Variants in PTPRD observed in about 807,000 individuals in gnomAD.
PTPRD encodes receptor-type tyrosine-protein phosphatase delta.
In PTPRD, 34 loss-of-function variants were observed where a neutral mutation model predicts 214.5. The observed-to-expected ratio is 0.16, with a 90% CI of 0.12 to 0.21. PTPRD has a LOEUF of 0.21. Ranked by LOEUF, PTPRD falls within the 10% of genes least tolerant of loss-of-function variation. PTPRD has a pLI of 1.00. For synonymous variants in PTPRD, 1,128 were observed against 845.7 expected (o/e 1.33, Z -5.79); for missense variants, 2,545 against 2,398.7 (o/e 1.06, Z -1.27).
chr9:8,789,024 G>C (rs956244985), intron 11 of PTPRD, among the ~76,000 whole-genome samples: 4 of 152,090 alleles, frequency 2.6e-5, no homozygotes, highest in African/African-American at 9.7e-5. Flanking sequence ...ACAGGACTGA[G>C]TCATTCCAAT....
chr9:9,239,173 A>G (rs1249091255), intron 9 of PTPRD, among the ~76,000 whole-genome samples: 7 of 151,770 alleles, frequency 4.6e-5, no homozygotes, highest in Admixed American at 4.6e-4. Context: ...TTTTGGAAAT[A>G]CAAACTTCAG....
intron 11 of PTPRD, among the ~76,000 whole-genome samples, chr9:8,820,096 T>C (rs1273608243): frequency 1.3e-5 from 2 of 152,302 alleles, no homozygotes; most frequent in African/African-American, 4.8e-5. Context: ...AATCAGAATA[T>C]GTAACAATAA....
chr9:8,441,578 T>C (rs1422569557), intron 34 of PTPRD, among the ~76,000 whole-genome samples: 2 of 151,802 alleles, frequency 1.3e-5, no homozygotes, highest in African/African-American at 4.8e-5. Context: ...TTCTTTAATC[T>C]GTGTGTATGT....
At chr9:9,415,335 G>A (rs1043134475) in intron 8 of PTPRD, among the ~76,000 whole-genome samples, 11 of 152,056 alleles carry the variant, frequency 7.2e-5, no homozygotes, top group Non-Finnish European at 1.5e-5. Context: ...TTAGCCAGGT[G>A]TGGTGGCATG....
At chr9:8,581,493 A>G (rs774767903) in intron 14 of PTPRD, among the ~76,000 whole-genome samples, 4 of 152,182 alleles carry the variant, frequency 2.6e-5, no homozygotes, top group Non-Finnish European at 4.4e-5. Flanking sequence ...TCACGCCTGT[A>G]ATCCCAGCAC....
At chr9:9,067,372 T>C (rs1285366634) in intron 10 of PTPRD, among the ~76,000 whole-genome samples, 1 of 152,254 alleles carries the variant, frequency 6.6e-6, no homozygotes. Flanking sequence ...TTTGTGTATT[T>C]ACGTTTATGC....
At position 8,718,434 on chromosome 9, in the gene PTPRD, T is replaced by C. The variant is rs530882629; in HGVS notation, c.64+15346A>G. 2.6e-5 allele frequency among the ~76,000 whole-genome samples: 4 copies of C among 152,312 alleles called. No homozygotes were observed. In the East Asian group the frequency reaches 7.7e-4, roughly 29 times the overall value. Reference sequence around the variant, plus strand: ...AAAGAAGTATGTGTTGTTCAGTTGCTAAATAGTCTTTTTATAACCTTTTCT... The same window carrying C: ...AAAGAAGTATGTGTTGTTCAGTTGCCAAATAGTCTTTTTATAACCTTTTCT... On this transcript the variant is annotated intron_variant, in intron 12 of 45. Coordinates refer to ENST00000381196, the MANE Select transcript of PTPRD (RefSeq NM_002839.4).
At chr9:10,071,708 G>A (rs1041315822) in intron 3 of PTPRD, among the ~76,000 whole-genome samples, 1 of 151,910 alleles carries the variant, frequency 6.6e-6, no homozygotes, top group Admixed American at 6.6e-5. Context: ...AAATTTATGT[G>A]ACTTGATTTG....
At chr9:10,429,007 T>C (rs1310413320) in intron 2 of PTPRD, among the ~76,000 whole-genome samples, 1 of 152,068 alleles carries the variant, frequency 6.6e-6, no homozygotes, top group Non-Finnish European at 1.5e-5. Context: ...TGGGGCATAG[T>C]AAATCCTTAA....
intron 44 of PTPRD, among the ~76,000 whole-genome samples, chr9:8,324,309 T>G (rs1831403554): frequency 6.6e-6 from 1 of 151,406 alleles, no homozygotes; most frequent in African/African-American, 2.5e-5. Flanking sequence ...GTCCACGTGT[T>G]CTCACTATTC....
intron 3 of PTPRD, among the ~76,000 whole-genome samples, chr9:10,285,951 C>A (rs1156469550): frequency 6.6e-6 from 1 of 151,888 alleles, no homozygotes; most frequent in African/African-American, 2.4e-5. Context: ...ATAATAGGTA[C>A]CAGACTCAAT....
At chr9:9,568,376 T>G (rs2085265991) in intron 8 of PTPRD, among the ~76,000 whole-genome samples, 1 of 151,872 alleles carries the variant, frequency 6.6e-6, no homozygotes. Flanking sequence ...CTTCCTAAGT[T>G]CCACAAATAT....
chr9:9,174,113 A>G (rs933382217), intron 10 of PTPRD, among the ~76,000 whole-genome samples: 3 of 152,140 alleles, frequency 2.0e-5, no homozygotes, highest in Non-Finnish European at 2.9e-5. Flanking sequence ...AAACAGAAAT[A>G]TATTTGTTTA....
intron 10 of PTPRD, among the ~76,000 whole-genome samples, chr9:9,155,231 C>T (rs1367977556): frequency 2.0e-5 from 3 of 152,056 alleles, no homozygotes; most frequent in Non-Finnish European, 4.4e-5. Context: ...ATGTAGAAAT[C>T]TAGTAACTAG....
At chr9:9,379,637 T>A (rs974482983) in intron 9 of PTPRD, among the ~76,000 whole-genome samples, 1 of 152,096 alleles carries the variant, frequency 6.6e-6, no homozygotes, top group African/African-American at 2.4e-5. Context: ...AGAACTGACA[T>A]CTTGATATTA....
intron 7 of PTPRD, among the ~76,000 whole-genome samples, chr9:9,729,489 G>C (rs1365042573): frequency 6.6e-6 from 1 of 151,946 alleles, no homozygotes; most frequent in African/African-American, 2.4e-5. Flanking sequence ...TTTTCTATAT[G>C]GTCAATAAAG....
intron 7 of PTPRD, among the ~76,000 whole-genome samples, chr9:9,586,599 T>C (rs1171241883): frequency 2.6e-5 from 4 of 152,014 alleles, no homozygotes; most frequent in African/African-American, 4.8e-5. Context: ...GAAACATCTT[T>C]AGTTGAATAA....
At chr9:10,165,427 A>G (rs12340690) in intron 3 of PTPRD, among the ~76,000 whole-genome samples, 5,481 of 151,928 alleles carry the variant, frequency 0.036, 107 homozygotes, top group Middle Eastern at 0.075. Flanking sequence ...AATATATGCA[A>G]TAAAAGGTAG....
intron 9 of PTPRD, among the ~76,000 whole-genome samples, chr9:9,269,151 T>C (rs1230854233): frequency 6.6e-6 from 1 of 151,342 alleles, no homozygotes; most frequent in African/African-American, 2.4e-5. Context: ...ATGGAACCCA[T>C]ACAACTCAAC....
Sources: allele counts gnomAD v4.1 joint callset (sites outside exome capture counted in the v4.1 genomes callset), GRCh38; gene constraint gnomAD v4.1.1; transcripts MANE v1.5; gene names NCBI Gene and HGNC (gene_info 2026-07-23, HGNC 2026-07-21).